Variants in LY6S observed in about 807,000 individuals in gnomAD.
The protein encoded by LY6S is lymphocyte antigen 6 family member S.
chr8:143,043,728 T>C, the LY6S span, among the ~76,000 whole-genome samples: 2 of 151,270 alleles, frequency 1.3e-5, no homozygotes, highest in African/African-American at 4.9e-5. Flanking sequence ...CAGGCTGGAG[T>C]GCAATGGGGC....
At chr8:143,049,779 C>T in the LY6S span, among the ~76,000 whole-genome samples, 1 of 152,268 alleles carries the variant, frequency 6.6e-6, no homozygotes, top group Non-Finnish European at 1.5e-5. Flanking sequence ...TGGGACTTCA[C>T]ACCATCCAGG....
At chr8:143,049,013 C>T in the LY6S span, among the ~76,000 whole-genome samples, 1 of 152,024 alleles carries the variant, frequency 6.6e-6, no homozygotes, top group Non-Finnish European at 1.5e-5. Context: ...CAGCCAGCAG[C>T]GGGGGCCACC....
chr8:143,044,429 C>T, the LY6S span, among the ~76,000 whole-genome samples: 1 of 152,044 alleles, frequency 6.6e-6, no homozygotes, highest in Non-Finnish European at 1.5e-5. Context: ...CGGAACATCC[C>T]CTGTCCCTGC....
chr8:143,063,379 C>T, the LY6S span, among the ~76,000 whole-genome samples: 3 of 152,202 alleles, frequency 2.0e-5, no homozygotes, highest in African/African-American at 4.8e-5. Flanking sequence ...CAGAGGATTG[C>T]GGTCTCCATG....
chr8:143,064,764 G>A, the LY6S span, among the ~76,000 whole-genome samples: 1 of 152,214 alleles, frequency 6.6e-6, no homozygotes, highest in Non-Finnish European at 1.5e-5. Context: ...AGCTACAGTG[G>A]AATGTATGTC....
the LY6S span, among the ~76,000 whole-genome samples, chr8:143,068,939 G>A: frequency 0.014 from 2,138 of 152,194 alleles, 19 homozygotes; most frequent in Non-Finnish European, 0.023. Flanking sequence ...TCCCCGCACC[G>A]CCCCAGGGGG....
chr8:143,048,926 C>T, the LY6S span, among the ~76,000 whole-genome samples: 1 of 152,132 alleles, frequency 6.6e-6, no homozygotes, highest in African/African-American at 2.4e-5. Flanking sequence ...TCGGGTATTC[C>T]AGGCACTGTA....
chr8:143,065,783 TTTTCTTTCTTTCTTTCTTTC>T, the LY6S span: 1 of 115,224 alleles, frequency 8.7e-6, no homozygotes, highest in African/African-American at 3.9e-5. Flanking sequence ...CTTTCTTTCT[TTTTCTTTCTTTCTTTCTTTC>T]TTTCTTTCTT....
chr8:143,044,908 G>C, the LY6S span: 1 of 1,132,548 alleles, frequency 8.8e-7, no homozygotes, highest in Non-Finnish European at 1.1e-6. Flanking sequence ...CACCACCCTT[G>C]TCCCAACCTG....
At chr8:143,072,209 G>GCTTGAGAAGACAGCCATTGTCCTC in the LY6S span, among the ~76,000 whole-genome samples, 1 of 121,178 alleles carries the variant, frequency 8.3e-6, no homozygotes, top group African/African-American at 3.0e-5. Flanking sequence ...CCGTCATTCT[G>GCTTGAGAAGACAGCCATTGTCCTC]GGGGTTCCTG....
At chr8:143,044,142 C>T in the LY6S span, 1 of 456,310 alleles carries the variant, frequency 2.2e-6, no homozygotes, top group Non-Finnish European at 4.4e-6. Context: ...ATTCCAGAGT[C>T]ATTCCTTTAG....
chr8:143,051,801 G>A, the LY6S span, among the ~76,000 whole-genome samples: 8 of 151,578 alleles, frequency 5.3e-5, no homozygotes, highest in East Asian at 3.9e-4. Context: ...GAGAAACCCC[G>A]TCTCTACTAA....
At chr8:143,055,752 G>C in the LY6S span, among the ~76,000 whole-genome samples, 1 of 152,146 alleles carries the variant, frequency 6.6e-6, no homozygotes, top group Non-Finnish European at 1.5e-5. Flanking sequence ...ACGCCATCGG[G>C]CTTTTCCTCC....
chr8:143,051,871 C>T, the LY6S span, among the ~76,000 whole-genome samples: 8 of 151,182 alleles, frequency 5.3e-5, no homozygotes, highest in East Asian at 9.8e-4. Context: ...ACTCGGGAGG[C>T]TGAGGCAGGA....
the LY6S span, among the ~76,000 whole-genome samples, chr8:143,069,855 G>C: frequency 6.6e-6 from 1 of 152,240 alleles, no homozygotes; most frequent in Non-Finnish European, 1.5e-5. Flanking sequence ...CCAGTAAAGA[G>C]CCCTTTCCTG....
chr8:143,046,949 C>T, the LY6S span, among the ~76,000 whole-genome samples: 3 of 151,660 alleles, frequency 2.0e-5, no homozygotes, highest in Admixed American at 6.6e-5. Flanking sequence ...TGCAGTGAGC[C>T]GTTATTGTGC....
At chr8:143,072,513 C>T in the LY6S span, among the ~76,000 whole-genome samples, 2 of 137,976 alleles carry the variant, frequency 1.4e-5, no homozygotes, top group Admixed American at 7.0e-5. Flanking sequence ...AGCCGTCGTC[C>T]TCGGGATTCC....
At chr8:143,044,556 A>G in the LY6S span, 1 of 38,716 alleles carries the variant, frequency 2.6e-5, no homozygotes, top group Admixed American at 7.7e-4. Flanking sequence ...CCCCCACCTC[A>G]GGAGCCACAG....
chr8:143,049,075 C>T, the LY6S span: 1 of 463,260 alleles, frequency 2.2e-6, no homozygotes, highest in East Asian at 6.2e-5. Context: ...ACGGTGTATG[C>T]CAAATGCCCG....
Sources: gnomAD v4.1 joint callset for allele counts (sites outside exome capture counted in the v4.1 genomes callset) on GRCh38, gnomAD v4.1.1 for gene constraint, MANE v1.5 for transcripts, NCBI Gene and HGNC (gene_info 2026-07-23, HGNC 2026-07-21) for gene names.